The following IQSEC3 variants were observed in gnomAD, a reference collection of about 807,000 sequenced individuals.
IQSEC3 encodes the protein IQ motif and SEC7 domain-containing protein 3.
Under a neutral mutation model 105.4 loss-of-function variants are expected in IQSEC3, and 50 were observed. The ratio of observed to expected loss-of-function variants is 0.47; its 90% CI spans 0.38 to 0.60. The LOEUF is 0.60. IQSEC3 is among the 20% of genes least tolerant of loss of function. The pLI is 0.00. For missense variants in IQSEC3, 1,415 were observed against 1,630.0 expected (o/e 0.87, Z 2.27); for synonymous variants, 708 against 746.0 (o/e 0.95, Z 0.83).
chr12:139,282 G>A lies in IQSEC3; in HGVS notation c.1919G>A (p.Cys640Tyr), dbSNP rs1865919095. 2 of 1,608,634 alleles carry A rather than the reference G, an allele frequency of 1.2e-6. No individual in the cohort carries two copies. Among genetic ancestry groups the A allele is most frequent in the East Asian group, 2.3e-5 (1 of 44,292 alleles). Residue 640 changes from cysteine to tyrosine, a missense_variant, in exon 4 of 14, where the codon TGC (cysteine) becomes TAC (tyrosine). Around this residue, in one of 6 missense-constraint regions of IQSEC3, gnomAD observed 213 missense variants for 306.2 expected, o/e 0.70. Transcript: ENST00000538872. ...TACCACTGCGAGAACCCAGCCAGCTGCAAGTCGCCCACGCTCTCCACCGAC... is the reference window on the plus strand; with the variant it reads ...TACCACTGCGAGAACCCAGCCAGCTACAAGTCGCCCACGCTCTCCACCGAC... ...PRYHCENPAS[C>Y]KSPTLSTDTL...
At chr12:127,310 G>T (rs926860875) in intron 3 of IQSEC3, among the ~76,000 whole-genome samples, 1 of 152,178 alleles carries the variant, frequency 6.6e-6, no homozygotes, top group Non-Finnish European at 1.5e-5. Flanking sequence ...CACGAGGCCA[G>T]GAGTTTGAGA....
At position 162,023 on chromosome 12, in the gene IQSEC3, G is replaced by A. The variant is rs138827697; in HGVS notation, c.2541G>A (p.Thr847=). ...KELKSNEDHV[T]YVTKVEKSIV... ...TCAAGTCCAATGAGGACCACGTCACGTACGTCACCAAGGTGGAGAAGTCCA... is the reference window on the plus strand; with the variant it reads ...TCAAGTCCAATGAGGACCACGTCACATACGTCACCAAGGTGGAGAAGTCCA... Residue 847 remains threonine (T), a synonymous_variant, in exon 8 of 14, where the codon ACG becomes ACA. Coordinates refer to ENST00000538872, the MANE Select transcript of IQSEC3 (RefSeq NM_001170738.2). The A allele has an allele frequency of 1.2e-3, 2,006 of 1,613,844 alleles. 39 individuals carry two copies. Among genetic ancestry groups the A allele is most frequent in the East Asian group, 1.8e-3 (82 of 44,884 alleles).
chr12:134,942 C>T (rs1313459904), intron 3 of IQSEC3, among the ~76,000 whole-genome samples: 1 of 152,136 alleles, frequency 6.6e-6, no homozygotes, highest in Non-Finnish European at 1.5e-5. Flanking sequence ...GCCTGGCAAA[C>T]ATGGCAAAAC....
chr12:161,785 C>A, intron 7 of IQSEC3, 141 bp from the exon 8 acceptor site: 1 of 715,814 alleles, frequency 1.4e-6, no homozygotes, highest in Non-Finnish European at 2.3e-6. Context: ...GTATGAGGCA[C>A]CAGCCATTGA....
intron 1 of IQSEC3, among the ~76,000 whole-genome samples, chr12:91,653 C>T (rs1231761075): frequency 6.6e-6 from 1 of 152,114 alleles, no homozygotes; most frequent in South Asian, 2.1e-4. Context: ...GTGGCACATG[C>T]CTGTGGTCCC....
intron 7 of IQSEC3, among the ~76,000 whole-genome samples, 183 bp downstream of exon 7, chr12:157,877 A>T (rs1184746362): frequency 6.6e-6 from 1 of 152,254 alleles, no homozygotes; most frequent in Admixed American, 6.5e-5. Flanking sequence ...TCCGGCATGC[A>T]GCCTGCCACC....
In IQSEC3 at chr12:174,925, T is replaced by TCCGCTGCCC. The variant is rs1939189988; in HGVS notation, c.3446_3454dup (p.Leu1149_Pro1151dup). ...CTCCGGTCAAGGTCACCCACCAGCC[T>TCCGCTGCCC]CCGCTGCCCCCGCCCCCACCCCCCT... On this transcript the variant is annotated inframe_insertion, in exon 14 of 14. Coordinates refer to ENST00000538872, the MANE Select transcript of IQSEC3 (RefSeq NM_001170738.2). 1.3e-6 allele frequency: 2 copies of TCCGCTGCCC among 1,490,236 alleles called. No individual in the cohort carries two copies. The highest frequency in any genetic ancestry group is 1.4e-5 in the African/African-American group (1 of 70,708). 92.3% of individuals were successfully genotyped at this position (1,490,236 alleles called of 1,614,324 possible).
intron 1 of IQSEC3, among the ~76,000 whole-genome samples, chr12:87,917 A>G (rs545221067): frequency 9.8e-5 from 15 of 152,326 alleles, no homozygotes; most frequent in African/African-American, 2.9e-4. Flanking sequence ...CCTTTAAAAA[A>G]GTTCTGTTGT....
In IQSEC3 at chr12:126,043, T is replaced by C; in HGVS notation, c.903+131T>C. On this transcript the variant is annotated intron_variant, in intron 3 of 13. Coordinates refer to ENST00000538872, the MANE Select transcript of IQSEC3 (RefSeq NM_001170738.2). ...CACACCTCTTTTGCCACAGTTCTCC[T>C]GCATTGAGCGACCTAGTTTGCCCTT... is the stretch of plus-strand genomic sequence containing the variant. 4 of 976,306 alleles carry C rather than the reference T, an allele frequency of 4.1e-6. No homozygotes were observed. In the South Asian group the frequency reaches 6.8e-5, roughly 16 times the overall value. 60.5% of individuals were successfully genotyped at this position (976,306 alleles called of 1,614,324 possible). A position where few individuals can be genotyped will look rare whatever the true frequency, so the allele number is the denominator to read the frequency against.
In IQSEC3 at chr12:175,507, G is replaced by A. The variant is rs1027324521; in HGVS notation, c.*474G>A. Reference sequence around the variant, plus strand: ...CTCTGTAGCTGCACTGAGGGGAGGAGGGTTGGTCCCACCCCTGGAGGGACA... The same window carrying A: ...CTCTGTAGCTGCACTGAGGGGAGGAAGGTTGGTCCCACCCCTGGAGGGACA... On this transcript the variant is annotated 3_prime_UTR_variant, in exon 14 of 14. Coordinates refer to ENST00000538872, the MANE Select transcript of IQSEC3 (RefSeq NM_001170738.2). 6.5e-6 allele frequency: 1 copy of A among 154,722 alleles called. No homozygotes were observed. The highest frequency in any genetic ancestry group is 2.4e-5 in the African/African-American group (1 of 41,512). The allele number at this position is 154,722 out of a possible 1,614,324, so 9.6% of individuals were successfully genotyped here.
intron 10 of IQSEC3, 55 bp downstream of exon 10, chr12:165,588 G>A (rs1209766954): frequency 3.9e-6 from 6 of 1,548,214 alleles, no homozygotes; most frequent in Non-Finnish European, 5.3e-6. Flanking sequence ...GGATGAAATG[G>A]CTGGGGCGAG....
intron 2 of IQSEC3, among the ~76,000 whole-genome samples, chr12:114,415 G>A (rs557890701): frequency 1.3e-5 from 2 of 152,350 alleles, no homozygotes; most frequent in South Asian, 2.1e-4. Context: ...GGTGTTGGGC[G>A]TGGAGAAGAG....
chr12:79,805 G>C (rs546336970), intron 1 of IQSEC3, among the ~76,000 whole-genome samples: 2 of 152,034 alleles, frequency 1.3e-5, no homozygotes, highest in Admixed American at 1.3e-4. Flanking sequence ...CTAACCACTC[G>C]AATTCCTGCC....
At chr12:141,349 C>T in intron 5 of IQSEC3, 64 bp downstream of exon 5, 1 of 1,514,000 alleles carries the variant, frequency 6.6e-7, no homozygotes, top group South Asian at 1.2e-5. Flanking sequence ...CGGGCTCTCT[C>T]TGTGAGCTCC....
chr12:67,625 T>A (rs1244082754), intron 1 of IQSEC3, among the ~76,000 whole-genome samples, 189 bp downstream of exon 1: 1 of 146,772 alleles, frequency 6.8e-6, no homozygotes, highest in Non-Finnish European at 1.5e-5. Flanking sequence ...GAGAAGGTTT[T>A]GGGGAATGCT....
chr12:138,382 ACTCGCTTCTGG>A lies in IQSEC3; in HGVS notation c.1020_1030del (p.Asn340LysfsTer123). On this transcript the variant is annotated frameshift_variant, in exon 4 of 14. Coordinates refer to ENST00000538872, the MANE Select transcript of IQSEC3 (RefSeq NM_001170738.2). LOFTEE classifies it high-confidence loss of function. This position sits in a 1 kb window ranked among gnomAD's most constrained non-coding sequence, Gnocchi z 7.1. ...AGCAAGAACTTCGAGAAAATCCGCA[ACTCGCTTCTGG>A]AGAGCCGCCTGCCACGGCGGATCTC... The A allele has an allele frequency of 6.2e-7, 1 of 1,611,518 alleles. No homozygotes were observed. The highest frequency in any genetic ancestry group is 8.5e-7 in the Non-Finnish European group (1 of 1,179,870).
At chr12:103,140 T>G (rs2133686) in intron 2 of IQSEC3, among the ~76,000 whole-genome samples, 139,135 of 151,922 alleles carry the variant, frequency 0.92, 64,194 homozygotes, top group East Asian at 1. Context: ...GCGCTGAATA[T>G]GCCAGTAATT....
At chr12:90,853 T>C (rs1864060960) in intron 1 of IQSEC3, among the ~76,000 whole-genome samples, 2 of 152,220 alleles carry the variant, frequency 1.3e-5, no homozygotes, top group Admixed American at 6.5e-5. Context: ...GGGTTTCTTT[T>C]CTTCCTATTT....
In IQSEC3 at chr12:149,790, G is replaced by A. The variant is rs548778431; in HGVS notation, c.2154-7235G>A. The stretch of plus-strand genomic sequence containing the variant: ...AGACCTGCAGGGTTGGGGCTGGGCA[G>A]CAGGAAGAAATAACAGCATGCACCA... On this transcript the variant is annotated intron_variant, in intron 5 of 13. Coordinates refer to ENST00000538872, the MANE Select transcript of IQSEC3 (RefSeq NM_001170738.2). 9.8e-5 allele frequency among the ~76,000 whole-genome samples: 15 copies of A among 152,294 alleles called. No homozygotes were observed. The South Asian group carries it at 2.3e-3, about 23-fold the overall frequency.
Sources: gnomAD v4.1 joint callset for allele counts (sites outside exome capture counted in the v4.1 genomes callset) on GRCh38, gnomAD v4.1.1 for gene constraint, gnomAD v4.1.1 regional missense constraint, Gnocchi (gnomAD v3.1) non-coding constraint, MANE v1.5 for transcripts, NCBI Gene and HGNC (gene_info 2026-07-23, HGNC 2026-07-21) for gene names.